Variants in KAZN observed in about 807,000 individuals in gnomAD.
The protein encoded by KAZN is kazrin.
In KAZN, 40 loss-of-function variants were observed where a neutral mutation model predicts 87.4. The observed-to-expected ratio is 0.46, with a 90% confidence interval of 0.36 to 0.60. The LOEUF is 0.60. Ranked by LOEUF, KAZN falls within the 20% of genes least tolerant of loss-of-function variation. The pLI is 0.00. For missense variants in KAZN, 898 were observed against 1,073.9 expected (o/e 0.84, Z 2.29); for synonymous variants, 466 against 458.3 (o/e 1.02, Z -0.22).
rs141428207 is a variant in KAZN at position 14,284,538 on chromosome 1, G to T, written c.249+103946G>T. On this transcript the variant is annotated intron_variant, in intron 2 of 16. Coordinates refer to the KAZN transcript ENST00000636203. The stretch of plus-strand genomic sequence containing the variant: ...GATGATGGACAGCAAATAGGGGAAA[G>T]ATTCTGTTGGACTTTGCAGGCCAGA... 4.1e-4 allele frequency among the ~76,000 whole-genome samples: 62 copies of T among 152,324 alleles called. No individual in the cohort carries two copies. In the East Asian group the frequency reaches 0.012, roughly 28 times the overall value.
intron 2 of KAZN, among the ~76,000 whole-genome samples, chr1:14,408,980 G>A (rs1557698134): frequency 6.6e-6 from 1 of 152,160 alleles, no homozygotes; most frequent in Non-Finnish European, 1.5e-5. Context: ...GAGACCAGAG[G>A]ATGGACAAGA....
At chr1:14,248,455 C>T (rs1380444533) in intron 2 of KAZN, among the ~76,000 whole-genome samples, 1 of 152,218 alleles carries the variant, frequency 6.6e-6, no homozygotes, top group African/African-American at 2.4e-5. Context: ...AAAGAAGAAT[C>T]GGACAGCTCC....
intron 1 of KAZN, among the ~76,000 whole-genome samples, chr1:14,826,214 T>C (rs950027627): frequency 1.3e-5 from 2 of 152,156 alleles, no homozygotes; most frequent in African/African-American, 2.4e-5. Flanking sequence ...TCCTCCCAGA[T>C]TGCAAAAGCA....
chr1:14,390,401 G>A (rs1401470005), intron 2 of KAZN, among the ~76,000 whole-genome samples: 1 of 152,218 alleles, frequency 6.6e-6, no homozygotes, highest in African/African-American at 2.4e-5. Flanking sequence ...AGGTGGATAA[G>A]AGTTAAAATG....
intron 1 of KAZN, among the ~76,000 whole-genome samples, chr1:14,046,806 G>A (rs1000826291): frequency 6.6e-6 from 1 of 152,210 alleles, no homozygotes; most frequent in Non-Finnish European, 1.5e-5. Context: ...CTGGCAGCAG[G>A]CCCTGTGTTT....
intron 2 of KAZN, among the ~76,000 whole-genome samples, chr1:14,215,464 C>G (rs1646939669): frequency 6.6e-6 from 1 of 152,136 alleles, no homozygotes; most frequent in Non-Finnish European, 1.5e-5. Context: ...TCCCATTTAT[C>G]CTAACAACTG....
At chr1:14,178,203 G>A (rs985933917) in intron 1 of KAZN, among the ~76,000 whole-genome samples, 7 of 152,186 alleles carry the variant, frequency 4.6e-5, no homozygotes, top group East Asian at 1.9e-4. Context: ...CCAGCCATGC[G>A]GAACTATGCG....
At chr1:14,555,788 T>G (rs1391861269) in intron 2 of KAZN, among the ~76,000 whole-genome samples, 1 of 152,228 alleles carries the variant, frequency 6.6e-6, no homozygotes, top group East Asian at 1.9e-4. Context: ...ACAGATTAAG[T>G]GCCCATCAGT....
chr1:14,993,999 C>T (rs989466915), intron 2 of KAZN, among the ~76,000 whole-genome samples: 1 of 152,110 alleles, frequency 6.6e-6, no homozygotes, highest in South Asian at 2.1e-4. Context: ...CTCCCAGGTG[C>T]GACGTAGAGC....
intron 1 of KAZN, among the ~76,000 whole-genome samples, chr1:14,736,279 GTGTGTGTGTGTGTGTGTGTGTA>G (rs1335724367): frequency 6.9e-6 from 1 of 145,892 alleles, no homozygotes; most frequent in African/African-American, 2.7e-5. Flanking sequence ...GTGTGTGTGT[GTGTGTGTGTGTGTGTGTGTGTA>G]TATTTTTTTT....
chr1:14,782,706 A>G (rs1033322540), intron 1 of KAZN, among the ~76,000 whole-genome samples: 3 of 152,176 alleles, frequency 2.0e-5, no homozygotes, highest in African/African-American at 7.2e-5. Context: ...GGAAACAATT[A>G]TCTAATTAGG....
chr1:14,966,732 C>T (rs578053195), intron 2 of KAZN, among the ~76,000 whole-genome samples: 5 of 152,188 alleles, frequency 3.3e-5, no homozygotes, highest in Non-Finnish European at 4.4e-5. Flanking sequence ...AGTACAGTGG[C>T]GCCATCTCAG....
At position 14,106,790 on chromosome 1, in the gene KAZN, C is replaced by T. The variant is rs146800673; in HGVS notation, c.92-73645C>T. On this transcript the variant is annotated intron_variant, in intron 1 of 16. Transcript: ENST00000636203. Reference sequence around the variant, plus strand: ...ATATATTTTGAGATAGTGAGTTTCCCCTGAAAGCCCTAAAATAGGAACCCT... The same window carrying T: ...ATATATTTTGAGATAGTGAGTTTCCTCTGAAAGCCCTAAAATAGGAACCCT... Among the ~76,000 whole-genome samples, 143 of 152,202 alleles carry T rather than the reference C, an allele frequency of 9.4e-4. 2 individuals carry two copies. In the East Asian group the frequency reaches 0.025, roughly 27 times the overall value.
At chr1:14,245,396 C>T (rs1649404097) in intron 2 of KAZN, among the ~76,000 whole-genome samples, 1 of 152,116 alleles carries the variant, frequency 6.6e-6, no homozygotes. Context: ...TCAGCTGCAT[C>T]TTTCCATATC....
At chr1:14,618,536 C>T (rs1237140739) in intron 1 of KAZN, among the ~76,000 whole-genome samples, 1 of 152,200 alleles carries the variant, frequency 6.6e-6, no homozygotes, top group Non-Finnish European at 1.5e-5. Context: ...CTAGAAGGGA[C>T]AAGGCATCCT....
intron 1 of KAZN, among the ~76,000 whole-genome samples, chr1:14,899,339 C>T (rs1196436869): frequency 6.6e-6 from 1 of 152,218 alleles, no homozygotes; most frequent in Non-Finnish European, 1.5e-5. Context: ...CCTCACCTCT[C>T]TTCAGCCTCT....
At chr1:14,543,809 G>A (rs566964328) in intron 2 of KAZN, among the ~76,000 whole-genome samples, 10 of 152,210 alleles carry the variant, frequency 6.6e-5, no homozygotes, top group East Asian at 1.9e-4. Flanking sequence ...ATACATTAGC[G>A]CTGCTCCTGT....
rs374485860 is a variant in KAZN, at chr1:14,486,788, C to A, written c.250-112195C>A. ...TCCATGGTGAATTTCACAGACTAGG[C>A]GGGCTGGATTCCAAAGTACTGACCA... is the stretch of plus-strand genomic sequence containing the variant. On this transcript the variant is annotated intron_variant, in intron 2 of 16. Coordinates refer to the KAZN transcript ENST00000636203. 2.2e-4 allele frequency among the ~76,000 whole-genome samples: 33 copies of A among 152,280 alleles called. 1 individual carries two copies. Among genetic ancestry groups the A allele is most frequent in the East Asian group, 1.7e-3 (9 of 5,186 alleles).
chr1:14,453,177 G>A (rs1043888369), intron 2 of KAZN, among the ~76,000 whole-genome samples: 2 of 151,858 alleles, frequency 1.3e-5, no homozygotes, highest in African/African-American at 4.8e-5. Flanking sequence ...GGATTGTCTC[G>A]ATCTCCTGAC....
Sources: gnomAD v4.1 joint callset for allele counts (sites outside exome capture counted in the v4.1 genomes callset) on GRCh38, gnomAD v4.1.1 for gene constraint, MANE v1.5 for transcripts, NCBI Gene and HGNC (gene_info 2026-07-23, HGNC 2026-07-21) for gene names.